PARL: variants seen among roughly 807,000 people sequenced by gnomAD.
PARL encodes the protein presenilin-associated rhomboid-like protein, mitochondrial.
In PARL, 44 loss-of-function variants were observed where a neutral mutation model predicts 51.6. That is an observed-to-expected ratio of 0.85 (90% CI 0.67 to 1.10). The LOEUF is 1.10. PARL is among the 50% of genes least tolerant of loss of function. The pLI, the probability that PARL is intolerant of heterozygous loss-of-function variation, is 0.00. For missense variants in PARL, 441 were observed against 469.5 expected, an observed-to-expected ratio of 0.94 and a Z score of 0.56; for synonymous variants, 172 against 164.0, an observed-to-expected ratio of 1.05 and a Z score of -0.37.
chr3:183,867,241 T>C (rs535510979), intron 2 of PARL, among the ~76,000 whole-genome samples: 59 of 152,242 alleles, frequency 3.9e-4, no homozygotes, highest in African/African-American at 1.4e-3. Flanking sequence ...TCCCATTGTA[T>C]TAACTTCACA....
At chr3:183,853,250 T>G (rs1032835993) in intron 4 of PARL, among the ~76,000 whole-genome samples, 1 of 151,954 alleles carries the variant, frequency 6.6e-6, no homozygotes, top group African/African-American at 2.4e-5. Context: ...GGGGGTGATA[T>G]CAAGAACAAA....
intron 5 of PARL, among the ~76,000 whole-genome samples, chr3:183,843,907 C>T (rs1459961978): frequency 2.0e-5 from 3 of 152,112 alleles, no homozygotes; most frequent in East Asian, 1.9e-4. Flanking sequence ...GGTGTGGTGG[C>T]GGGCACCTGT....
intron 7 of PARL, among the ~76,000 whole-genome samples, chr3:183,838,026 CTT>C (rs112834345): frequency 6.9e-6 from 1 of 145,722 alleles, no homozygotes. Context: ...ATTCAACTTT[CTT>C]TTTTTTTTTT....
At chr3:183,849,874 T>G (rs774600087) in intron 4 of PARL, among the ~76,000 whole-genome samples, 8 of 152,164 alleles carry the variant, frequency 5.3e-5, no homozygotes, top group Admixed American at 3.3e-4. Context: ...ACGAACCTTA[T>G]AGAAATCAGA....
Position 183,884,528 on chromosome 3 carries a change from G to A in PARL, c.125+194C>T, listed in dbSNP as rs532638797. Among the ~76,000 whole-genome samples the A allele has an allele frequency of 3.0e-4, 45 of 152,300 alleles. No individual in the cohort carries two copies. The South Asian group carries it at 9.1e-3, about 31-fold the overall frequency. The stretch of plus-strand genomic sequence containing the variant: ...GGGAAAGGAGAAAGCGCAGGCTCGC[G>A]GGGGGCTGGGCTGGGCAAGGGGAGC... On this transcript the variant is annotated intron_variant, in intron 1 of 9. Transcript: ENST00000317096.
At chr3:183,841,674 T>C (rs1030034419) in intron 6 of PARL, among the ~76,000 whole-genome samples, 1 of 152,234 alleles carries the variant, frequency 6.6e-6, no homozygotes, top group African/African-American at 2.4e-5. Context: ...TAAGTAAAAT[T>C]TGACCAACTG....
chr3:183,857,151 C>T (rs1225599926), intron 4 of PARL, among the ~76,000 whole-genome samples: 2 of 152,130 alleles, frequency 1.3e-5, no homozygotes, highest in Non-Finnish European at 1.5e-5. Context: ...ATCACTTGAG[C>T]CCAGGAGCTC....
intron 7 of PARL, among the ~76,000 whole-genome samples, chr3:183,836,089 T>C (rs1486091592): frequency 1.3e-5 from 2 of 151,438 alleles, no homozygotes; most frequent in Non-Finnish European, 2.9e-5. Flanking sequence ...TGGTCGTGCA[T>C]GCCTGTAATC....
rs143742046 is a variant in PARL at position 183,866,652 on chromosome 3, T to C, written c.435A>G (p.Pro145=). 731 of 1,611,918 alleles carry C rather than the reference T, an allele frequency of 4.5e-4. 1 individual carries two copies. The highest frequency in any genetic ancestry group is 2.3e-3 in the Middle Eastern group (11 of 4,788). ...IKADWLDSIR[P]QKEGDFRKEI... is the part of the protein sequence containing the mutation. ...CCTTTCTGAAGTCTCCTTCTTTTTGTGGTCTTATGCTATCCAACCAATCAG... is the reference window on the plus strand; with the variant it reads ...CCTTTCTGAAGTCTCCTTCTTTTTGCGGTCTTATGCTATCCAACCAATCAG... The change falls in exon 3 of 10, where the codon CCA becomes CCG. Residue 145 remains proline, a synonymous_variant. Transcript: ENST00000317096.
At chr3:183,862,347 C>T (rs1319583334) in intron 4 of PARL, among the ~76,000 whole-genome samples, 3 of 152,150 alleles carry the variant, frequency 2.0e-5, no homozygotes, top group African/African-American at 7.2e-5. Flanking sequence ...CTCTGAAAGC[C>T]GGTTTCCTTA....
In PARL at chr3:183,840,614, C is replaced by T. The variant is rs3732581; in HGVS notation, c.784G>A (p.Val262Met). 9 of 1,551,910 alleles carry T rather than the reference C, an allele frequency of 5.8e-6. No homozygotes were observed. The highest frequency in any genetic ancestry group is 3.4e-5 in the Admixed American group (2 of 58,982). Residue 262 changes from valine (V) to methionine (M), a missense_variant, in exon 7 of 10, where the codon GTG becomes ATG. Physicochemically the swap from Val to Met is conservative, Grantham distance 21. Transcript: ENST00000317096. ...AGVISNFVSY[V>M]GKVATGRYGP... ...TATCTTCCTGTGGCAACTTTACCCACGTAACTGACAAAATTGGAAATAACA... is the reference window on the plus strand; with the variant it reads ...TATCTTCCTGTGGCAACTTTACCCATGTAACTGACAAAATTGGAAATAACA...
chr3:183,835,748 TC>T (rs1202038926), intron 7 of PARL, among the ~76,000 whole-genome samples: 3 of 151,894 alleles, frequency 2.0e-5, no homozygotes, highest in African/African-American at 7.3e-5. Context: ...GCGCCTGTAG[TC>T]CCAGCTACTC....
chr3:183,855,919 AC>A (rs1731094303), intron 4 of PARL, among the ~76,000 whole-genome samples: 2 of 151,412 alleles, frequency 1.3e-5, no homozygotes, highest in Non-Finnish European at 2.9e-5. Flanking sequence ...TCACACCACT[AC>A]ATTCTAGCCT....
intron 7 of PARL, 87 bp downstream of exon 7, chr3:183,840,483 A>AATTTT (rs1472338347): frequency 1.5e-6 from 1 of 688,162 alleles, no homozygotes; most frequent in Non-Finnish European, 2.5e-6. Context: ...ACCTCTTATC[A>AATTTT]ATTTTACAAC....
intron 1 of PARL, among the ~76,000 whole-genome samples, chr3:183,870,997 T>A (rs938876410): frequency 2.0e-5 from 3 of 152,172 alleles, no homozygotes; most frequent in Non-Finnish European, 2.9e-5. Flanking sequence ...GCAGTTTTTT[T>A]AATACTTATC....
chr3:183,848,153 T>A (rs1361557214), intron 4 of PARL, among the ~76,000 whole-genome samples: 2 of 152,248 alleles, frequency 1.3e-5, no homozygotes, highest in East Asian at 3.8e-4. Flanking sequence ...TGGAAACTAA[T>A]CAAAGGCTTA....
chr3:183,873,363 G>A (rs1268438537), intron 1 of PARL, among the ~76,000 whole-genome samples: 1 of 151,936 alleles, frequency 6.6e-6, no homozygotes, highest in Admixed American at 6.6e-5. Flanking sequence ...AAACTTAGCT[G>A]GGCGTGGTGG....
At chr3:183,837,028 A>G (rs1577286908) in intron 7 of PARL, among the ~76,000 whole-genome samples, 1 of 152,230 alleles carries the variant, frequency 6.6e-6, no homozygotes, top group East Asian at 1.9e-4. Context: ...GTTGTGAGCC[A>G]CTGCGCCTGG....
intron 2 of PARL, among the ~76,000 whole-genome samples, chr3:183,867,527 C>T (rs560544654): frequency 4.6e-5 from 7 of 152,074 alleles, no homozygotes; most frequent in South Asian, 4.2e-4. Context: ...GGTGAAACCC[C>T]GTCTCTACTA....
Sources: gnomAD v4.1 joint callset for allele counts (sites outside exome capture counted in the v4.1 genomes callset) on GRCh38, gnomAD v4.1.1 for gene constraint, MANE v1.5 for transcripts, NCBI Gene and HGNC (gene_info 2026-07-23, HGNC 2026-07-21) for gene names.